Variants in DLG2 observed in about 807,000 individuals in gnomAD.
The protein encoded by DLG2 is discs large MAGUK scaffold protein 2, also known as disks large homolog 2.
DLG2 carries 45 observed loss-of-function variants against 132.5 expected under a neutral mutation model. The observed-to-expected ratio is 0.34, with a 90% CI of 0.27 to 0.44. The LOEUF is 0.44. Among genes scored for constraint, DLG2 ranks in the 20% least tolerant of loss-of-function variants. DLG2 has a pLI of 1.00. For missense variants in DLG2, 1,045 were observed against 1,196.9 expected, an observed-to-expected ratio of 0.87 and a Z score of 1.87; for synonymous variants, 424 against 419.6, an observed-to-expected ratio of 1.01 and a Z score of -0.13.
chr11:85,208,851 G>T (rs566581520), intron 4 of DLG2, among the ~76,000 whole-genome samples: 28 of 152,166 alleles, frequency 1.8e-4, no homozygotes, highest in African/African-American at 6.5e-4. Context: ...TGCAAACAAG[G>T]GAGGGATAGA....
intron 6 of DLG2, among the ~76,000 whole-genome samples, chr11:84,862,161 A>G (rs577095384): frequency 1.3e-5 from 2 of 152,208 alleles, no homozygotes; most frequent in East Asian, 1.9e-4. Context: ...CATTGTGCAC[A>G]TGTACCCTAA....
chr11:83,723,303 C>A (rs2089180108), intron 18 of DLG2, among the ~76,000 whole-genome samples: 1 of 152,220 alleles, frequency 6.6e-6, no homozygotes, highest in African/African-American at 2.4e-5. Context: ...TCGCTTAAAC[C>A]CAGGAGGCGG....
chr11:83,624,700 A>G (rs1462091555), intron 19 of DLG2, among the ~76,000 whole-genome samples: 2 of 152,216 alleles, frequency 1.3e-5, no homozygotes, highest in African/African-American at 4.8e-5. Context: ...TACTATGTCC[A>G]TTTTATAAAT....
chr11:84,204,405 T>C (rs2096638885), intron 8 of DLG2, among the ~76,000 whole-genome samples: 1 of 152,130 alleles, frequency 6.6e-6, no homozygotes, highest in South Asian at 2.1e-4. Flanking sequence ...CTGTAATAGG[T>C]TAAAGATGGA....
intron 3 of DLG2, among the ~76,000 whole-genome samples, chr11:85,379,631 A>G (rs905070337): frequency 4.6e-5 from 7 of 152,226 alleles, no homozygotes; most frequent in Admixed American, 2.0e-4. Flanking sequence ...TATAAAGTCA[A>G]CTATTATAAT....
chr11:84,310,675 T>C lies in DLG2; in HGVS notation c.520-59384A>G, dbSNP rs190748716. Reference sequence around the variant, plus strand: ...CTGTTTCCCTTACCTGGGGGACAGCTGCTATTTCCCAGAGACAAGAAAGTC... The same window carrying C: ...CTGTTTCCCTTACCTGGGGGACAGCCGCTATTTCCCAGAGACAAGAAAGTC... On this transcript the variant is annotated intron_variant, in intron 7 of 27. Transcript: ENST00000376104. Among the ~76,000 whole-genome samples, 5 of 152,322 alleles carry C rather than the reference T, an allele frequency of 3.3e-5. No individual in the cohort carries two copies. In the East Asian group the frequency reaches 9.6e-4, roughly 29 times the overall value.
At chr11:85,277,672 T>C (rs2077975326) in intron 4 of DLG2, among the ~76,000 whole-genome samples, 1 of 152,086 alleles carries the variant, frequency 6.6e-6, no homozygotes, top group Non-Finnish European at 1.5e-5. Context: ...AGCAGGATTT[T>C]TCTTTCTTTT....
intron 18 of DLG2, among the ~76,000 whole-genome samples, chr11:83,717,752 G>A (rs1275544801): frequency 6.6e-6 from 1 of 152,196 alleles, no homozygotes; most frequent in African/African-American, 2.4e-5. Context: ...GTAAGAAACA[G>A]AGTGAACCCA....
At chr11:83,941,546 C>A (rs575112789) in intron 14 of DLG2, among the ~76,000 whole-genome samples, 2 of 152,098 alleles carry the variant, frequency 1.3e-5, no homozygotes, top group South Asian at 4.2e-4. Context: ...CAGGTGCGTG[C>A]CCTCATGACT....
intron 6 of DLG2, among the ~76,000 whole-genome samples, chr11:84,773,289 A>T (rs2069751837): frequency 6.6e-6 from 1 of 152,164 alleles, no homozygotes; most frequent in African/African-American, 2.4e-5. Context: ...CAGTAATACA[A>T]TCCTACCAAC....
intron 3 of DLG2, among the ~76,000 whole-genome samples, chr11:85,346,609 T>A (rs2082867991): frequency 6.6e-6 from 1 of 152,170 alleles, no homozygotes; most frequent in Non-Finnish European, 1.5e-5. Context: ...GTCTGTTTAG[T>A]AAGCACTATT....
intron 6 of DLG2, among the ~76,000 whole-genome samples, chr11:84,711,336 G>A (rs923064081): frequency 3.2e-5 from 2 of 61,738 alleles, no homozygotes; most frequent in Non-Finnish European, 5.6e-5. Flanking sequence ...CAGTAAGAGA[G>A]AGAGAGAGAG....
intron 6 of DLG2, among the ~76,000 whole-genome samples, chr11:84,744,375 T>A (rs773823691): frequency 2.0e-5 from 3 of 152,176 alleles, no homozygotes; most frequent in Non-Finnish European, 4.4e-5. Context: ...TGTGACATCA[T>A]CTTGAATGTT....
At chr11:84,744,097 A>T (rs564633778) in intron 6 of DLG2, among the ~76,000 whole-genome samples, 7 of 152,310 alleles carry the variant, frequency 4.6e-5, no homozygotes, top group African/African-American at 1.7e-4. Context: ...TTGGTTGGGT[A>T]GATTTTATCC....
chr11:83,961,568 C>T (rs565189825), intron 14 of DLG2, among the ~76,000 whole-genome samples: 5 of 151,902 alleles, frequency 3.3e-5, no homozygotes, highest in South Asian at 2.1e-4. Context: ...GTGTGTTTTT[C>T]GGAGGATTAA....
chr11:84,934,183 T>G (rs1285694017), intron 6 of DLG2, among the ~76,000 whole-genome samples: 4 of 152,184 alleles, frequency 2.6e-5, no homozygotes, highest in African/African-American at 9.6e-5. Flanking sequence ...TTTATTGATT[T>G]GTGTATGTTG....
chr11:84,266,932 A>G (rs2097646222), intron 7 of DLG2, among the ~76,000 whole-genome samples: 1 of 152,242 alleles, frequency 6.6e-6, no homozygotes, highest in African/African-American at 2.4e-5. Context: ...GAAAGTAGGA[A>G]GAGGAGAAGT....
chr11:85,536,147 C>T (rs965764821), intron 3 of DLG2, among the ~76,000 whole-genome samples: 3 of 127,334 alleles, frequency 2.4e-5, no homozygotes, highest in Admixed American at 9.3e-5. Flanking sequence ...GCCTGGGAGG[C>T]AGAGGGTGCA....
chr11:84,028,891 G>GA (rs2095614838), intron 11 of DLG2, among the ~76,000 whole-genome samples: 2 of 152,048 alleles, frequency 1.3e-5, no homozygotes, highest in African/African-American at 4.8e-5. Flanking sequence ...CCAGTAGGGT[G>GA]TGAGCCTCTT....
Sources: gnomAD v4.1 joint callset for allele counts (sites outside exome capture counted in the v4.1 genomes callset) on GRCh38, gnomAD v4.1.1 for gene constraint, MANE v1.5 for transcripts, NCBI Gene and HGNC (gene_info 2026-07-23, HGNC 2026-07-21) for gene names.